Variants in SLC23A2 observed in about 807,000 individuals in gnomAD.
SLC23A2 encodes the protein Na(+)/L-ascorbic acid transporter 2.
Under a neutral mutation model 73.3 loss-of-function variants are expected in SLC23A2, and 36 were observed. The observed-to-expected ratio is 0.49, with a 90% CI of 0.38 to 0.65. SLC23A2 has a LOEUF of 0.65. Among genes scored for constraint, SLC23A2 ranks in the 30% least tolerant of loss-of-function variants. The pLI is 0.00. For missense variants in SLC23A2, 507 were observed against 841.6 expected (o/e 0.60, Z 4.92); for synonymous variants, 343 against 327.3 (o/e 1.05, Z -0.52).
At chr20:4,970,423 C>A (rs2087543099) in intron 2 of SLC23A2, among the ~76,000 whole-genome samples, 1 of 152,090 alleles carries the variant, frequency 6.6e-6, no homozygotes, top group Admixed American at 6.6e-5. Flanking sequence ...ACAGAGCTGC[C>A]AGCCCAATTC....
At chr20:4,906,946 AC>A (rs1218891869) in intron 4 of SLC23A2, among the ~76,000 whole-genome samples, 13 of 152,222 alleles carry the variant, frequency 8.5e-5, no homozygotes, top group African/African-American at 2.9e-4. Flanking sequence ...GGGCTGGCTG[AC>A]CAGCAGGACC....
intron 1 of SLC23A2, among the ~76,000 whole-genome samples, chr20:4,975,346 C>G (rs1305649180): frequency 1.3e-5 from 2 of 152,026 alleles, no homozygotes. Flanking sequence ...AAGAATATGA[C>G]GTTAACCTCA....
intron 1 of SLC23A2, among the ~76,000 whole-genome samples, chr20:4,994,849 G>A (rs369301864): frequency 3.3e-5 from 5 of 152,046 alleles, no homozygotes; most frequent in African/African-American, 4.8e-5. Context: ...CAGGAGAATC[G>A]CTTGAACCTA....
In SLC23A2 at chr20:4,856,986, G is replaced by A. The variant is rs776326380; in HGVS notation, c.1939C>T (p.Gln647Ter). 16 of 1,612,788 alleles carry A rather than the reference G, an allele frequency of 9.9e-6. No individual in the cohort carries two copies. The highest frequency in any genetic ancestry group is 1.4e-5 in the Non-Finnish European group (16 of 1,179,064). Residue 647 changes from glutamine (Q) to a stop codon, truncating the protein, a stop_gained, in exon 17 of 17, where the codon CAG becomes TAG. Coordinates refer to ENST00000338244, the MANE Select transcript of SLC23A2 (RefSeq NM_005116.6). LOFTEE classifies it high-confidence loss of function. This position sits in a 1 kb window ranked among gnomAD's most constrained non-coding sequence, Gnocchi z 4.6. ...CACAGCAAAGGCTATCCCGTGGCCT[G>A]GGAGTCTTCATCTGAACTCCGGCTG... is the stretch of plus-strand genomic sequence containing the variant. ...DNSRSSDEDSQATG is the reference protein window; with the variant it reads ...DNSRSSDEDS
intron 2 of SLC23A2, among the ~76,000 whole-genome samples, chr20:4,940,187 C>T (rs1348620278): frequency 2.0e-5 from 3 of 152,040 alleles, no homozygotes; most frequent in Non-Finnish European, 2.9e-5. Context: ...GGTGTGGTGG[C>T]ATGCACCTGT....
intron 2 of SLC23A2, among the ~76,000 whole-genome samples, chr20:4,934,677 C>T (rs547065206): frequency 2.0e-5 from 3 of 151,684 alleles, no homozygotes; most frequent in African/African-American, 7.3e-5. Context: ...GCCTGGCCAG[C>T]ACGGTGAAAC....
At chr20:4,864,679 G>A (rs1038411013) in intron 13 of SLC23A2, among the ~76,000 whole-genome samples, 3 of 152,220 alleles carry the variant, frequency 2.0e-5, no homozygotes, top group Non-Finnish European at 4.4e-5. Context: ...TCACAAGCTT[G>A]ATCAAATAAT....
chr20:4,986,858 G>A (rs955870375), intron 1 of SLC23A2, among the ~76,000 whole-genome samples: 3 of 151,898 alleles, frequency 2.0e-5, no homozygotes, highest in Non-Finnish European at 4.4e-5. Flanking sequence ...ATCATTGTAA[G>A]CAATGGAACT....
In SLC23A2 at chr20:4,857,271, T is replaced by C; in HGVS notation, c.1721-67A>G. On this transcript the variant is annotated intron_variant, in intron 16 of 16. Coordinates refer to ENST00000338244, the MANE Select transcript of SLC23A2 (RefSeq NM_005116.6). The surrounding 1 kb of genome is among the most constrained non-coding windows in gnomAD (Gnocchi z 4.0). ...AGCAGCTCTACTGAAAATGAAACTGTCGTCAAACACATACACACACACACA... is the reference window on the plus strand; with the variant it reads ...AGCAGCTCTACTGAAAATGAAACTGCCGTCAAACACATACACACACACACA... 4.2e-6 allele frequency: 3 copies of C among 716,710 alleles called. No individual in the cohort carries two copies. Among genetic ancestry groups the C allele is most frequent in the Non-Finnish European group, 7.1e-6 (3 of 424,670 alleles). 44.4% of individuals were successfully genotyped at this position (716,710 alleles called of 1,614,324 possible).
chr20:4,920,491 T>C (rs1201170884), intron 3 of SLC23A2, among the ~76,000 whole-genome samples: 1 of 152,162 alleles, frequency 6.6e-6, no homozygotes, highest in Non-Finnish European at 1.5e-5. Flanking sequence ...GTGAAACAAC[T>C]TATGTGCCAG....
Position 4,929,287 on chromosome 20 carries a change from G to GAA in SLC23A2, c.108+3166_108+3167dup, listed in dbSNP as rs537709465. ...TGTAAAAAAAAAAAGAAAAGAAAAA[G>GAA]AAAAAAAAAACACTTATGGAAAAAA... On this transcript the variant is annotated intron_variant, in intron 3 of 16. Transcript: ENST00000338244. 6.1e-3 allele frequency among the ~76,000 whole-genome samples: 894 copies of GAA among 146,356 alleles called. 12 individuals are homozygous for GAA. Among genetic ancestry groups the GAA allele is most frequent in the African/African-American group, 0.02 (808 of 39,978 alleles).
chr20:5,002,568 A>G (rs890603809), upstream of SLC23A2, among the ~76,000 whole-genome samples: 1 of 152,216 alleles, frequency 6.6e-6, no homozygotes, highest in Non-Finnish European at 1.5e-5. Context: ...TTATAATCAG[A>G]ATTATTTATG....
At chr20:4,930,816 CAA>C (rs553480522) in intron 3 of SLC23A2, among the ~76,000 whole-genome samples, 1 of 144,278 alleles carries the variant, frequency 6.9e-6, no homozygotes. Flanking sequence ...AAGACGGTCT[CAA>C]AAAAAAAAGA....
chr20:4,902,642 A>T lies in SLC23A2; in HGVS notation c.208-84T>A. The T allele has an allele frequency of 1.6e-6, 1 of 642,312 alleles. No individual in the cohort carries two copies. Among genetic ancestry groups the T allele is most frequent in the Non-Finnish European group, 2.7e-6 (1 of 376,276 alleles). The allele number at this position is 642,312 out of a possible 1,614,324, so 39.8% of individuals were successfully genotyped here. Reference sequence around the variant, plus strand: ...GGCCATGTACAGGCCACTATTACAGAAAAACAACTTTATCAAGTGGTTGCC... The same window carrying T: ...GGCCATGTACAGGCCACTATTACAGTAAAACAACTTTATCAAGTGGTTGCC... On this transcript the variant is annotated intron_variant, in intron 4 of 16. Transcript: ENST00000338244. The surrounding 1 kb of genome is among the most constrained non-coding windows in gnomAD (Gnocchi z 4.0).
chr20:4,890,087 G>T (rs1001358392), intron 6 of SLC23A2, among the ~76,000 whole-genome samples: 2 of 152,054 alleles, frequency 1.3e-5, no homozygotes, highest in African/African-American at 2.4e-5. Context: ...AAATGTATCT[G>T]CCCAGAACTA....
At chr20:4,925,078 G>A (rs1932625175) in intron 3 of SLC23A2, among the ~76,000 whole-genome samples, 1 of 152,112 alleles carries the variant, frequency 6.6e-6, no homozygotes, top group South Asian at 2.1e-4. Flanking sequence ...AGCTACTCAG[G>A]AGGCTGAGGT....
At chr20:5,006,836 TG>T in intron 1 of SLC23A2, among the ~76,000 whole-genome samples, 1 of 152,204 alleles carries the variant, frequency 6.6e-6, no homozygotes, top group South Asian at 2.1e-4. Flanking sequence ...CCACCACTCC[TG>T]GCCTGCACCA....
intron 2 of SLC23A2, among the ~76,000 whole-genome samples, chr20:4,935,643 A>G (rs938593105): frequency 1.3e-5 from 2 of 151,646 alleles, no homozygotes; most frequent in African/African-American, 4.8e-5. Context: ...CTAAAAATAC[A>G]AAAAAATTAG....
intron 12 of SLC23A2, chr20:4,869,519 TTATC>T (rs1238496100): frequency 6.2e-6 from 1 of 161,602 alleles, no homozygotes; most frequent in Non-Finnish European, 1.3e-5. Flanking sequence ...TACTTTGATT[TTATC>T]TATCTAATCT....
Sources: gnomAD v4.1 joint callset for allele counts (sites outside exome capture counted in the v4.1 genomes callset) on GRCh38, gnomAD v4.1.1 for gene constraint, Gnocchi (gnomAD v3.1) non-coding constraint, MANE v1.5 for transcripts, NCBI Gene and HGNC (gene_info 2026-07-23, HGNC 2026-07-21) for gene names.